NCOA2: variants seen among roughly 807,000 people sequenced by gnomAD.
The protein encoded by NCOA2 is nuclear receptor coactivator 2, also known as class E basic helix-loop-helix protein 75.
NCOA2 carries 21 observed loss-of-function variants against 145.1 expected under a neutral mutation model. That is an observed-to-expected ratio of 0.14 (90% CI 0.10 to 0.21). The LOEUF (loss-of-function observed/expected upper bound fraction) is 0.21, where lower values mean the gene tolerates loss of function less well. Among genes scored for constraint, NCOA2 ranks in the 10% least tolerant of loss-of-function variants. NCOA2 has a pLI of 1.00. For missense variants in NCOA2, 1,472 were observed against 1,837.6 expected (o/e 0.80, Z 3.64); for synonymous variants, 619 against 637.5 (o/e 0.97, Z 0.44).
At chr8:70,430,881 T>C in the NCOA2 span, among the ~76,000 whole-genome samples, 1 of 152,074 alleles carries the variant, frequency 6.6e-6, no homozygotes. Flanking sequence ...GTATGTTGAG[T>C]TTAATAAATA....
chr8:70,331,100 AT>A (rs1409842724), intron 1 of NCOA2, among the ~76,000 whole-genome samples: 1 of 152,166 alleles, frequency 6.6e-6, no homozygotes, highest in Non-Finnish European at 1.5e-5. Flanking sequence ...ACAGCTTTTA[AT>A]TAAAAAAAAA....
chr8:70,292,074 C>CA (rs371226539), intron 2 of NCOA2, among the ~76,000 whole-genome samples: 3,728 of 93,906 alleles, frequency 0.04, 136 homozygotes, highest in African/African-American at 0.11. Flanking sequence ...GACGCCGTCT[C>CA]AAAAAAAAAA....
intron 5 of NCOA2, among the ~76,000 whole-genome samples, chr8:70,172,546 T>C (rs766639395): frequency 6.6e-6 from 1 of 152,234 alleles, no homozygotes; most frequent in Non-Finnish European, 1.5e-5. Flanking sequence ...GTTTTCTCAA[T>C]TGTATGAACC....
At chr8:70,442,837 C>G in the NCOA2 span, among the ~76,000 whole-genome samples, 31 of 152,212 alleles carry the variant, frequency 2.0e-4, no homozygotes, top group Middle Eastern at 3.4e-3. Flanking sequence ...TCTTTTATAC[C>G]TCTTCTGAGC....
At chr8:70,244,082 C>T (rs1822402033) in intron 2 of NCOA2, among the ~76,000 whole-genome samples, 1 of 152,024 alleles carries the variant, frequency 6.6e-6, no homozygotes, top group Non-Finnish European at 1.5e-5. Context: ...ACTGTCTATA[C>T]ACCTTAGAAA....
intron 4 of NCOA2, among the ~76,000 whole-genome samples, chr8:70,213,221 TG>T (rs1819239516): frequency 6.6e-6 from 1 of 152,068 alleles, no homozygotes; most frequent in South Asian, 2.1e-4. Flanking sequence ...TGTTCATACA[TG>T]CCGAATAAAG....
intron 1 of NCOA2, among the ~76,000 whole-genome samples, chr8:70,348,029 A>G (rs141306622): frequency 6.6e-6 from 1 of 152,250 alleles, no homozygotes; most frequent in Non-Finnish European, 1.5e-5. Context: ...AGCAATAAAA[A>G]GGAAAGAGCT....
At chr8:70,117,625 T>C (rs1206397263) in intron 22 of NCOA2, among the ~76,000 whole-genome samples, 1 of 152,196 alleles carries the variant, frequency 6.6e-6, no homozygotes, top group African/African-American at 2.4e-5. Context: ...TAAAACCCCT[T>C]AGAAAAATCT....
At chr8:70,351,674 C>G (rs1809241932) in intron 1 of NCOA2, among the ~76,000 whole-genome samples, 1 of 149,542 alleles carries the variant, frequency 6.7e-6, no homozygotes, top group Non-Finnish European at 1.5e-5. Context: ...CAAGCTCAAA[C>G]TCCTAGGCTC....
intron 22 of NCOA2, among the ~76,000 whole-genome samples, chr8:70,116,596 G>C (rs1273054775): frequency 6.6e-6 from 1 of 152,126 alleles, no homozygotes; most frequent in African/African-American, 2.4e-5. Context: ...AACAGCAGCA[G>C]AGCTTATTAC....
At chr8:70,245,589 TACACAC>T (rs2134576326) in intron 2 of NCOA2, among the ~76,000 whole-genome samples, 1 of 152,030 alleles carries the variant, frequency 6.6e-6, no homozygotes, top group African/African-American at 2.4e-5. Flanking sequence ...CACATACACA[TACACAC>T]GTGCATGCAA....
chr8:70,384,513 C>G (rs1279302891), intron 1 of NCOA2, among the ~76,000 whole-genome samples: 1 of 152,142 alleles, frequency 6.6e-6, no homozygotes, highest in Non-Finnish European at 1.5e-5. Flanking sequence ...AATATAATCT[C>G]TTTGTCGAGA....
At chr8:70,265,972 T>C (rs1824547164) in intron 2 of NCOA2, among the ~76,000 whole-genome samples, 2 of 151,870 alleles carry the variant, frequency 1.3e-5, no homozygotes, top group South Asian at 4.1e-4. Context: ...ACCCCGTCTC[T>C]AATACAAAAA....
the NCOA2 span, among the ~76,000 whole-genome samples, chr8:70,449,610 T>C: frequency 4.6e-5 from 7 of 152,176 alleles, no homozygotes; most frequent in African/African-American, 1.7e-4. Flanking sequence ...CTTACCCTTC[T>C]TCCCTCCTCC....
chr8:70,297,678 A>G (rs1021494202), intron 1 of NCOA2, among the ~76,000 whole-genome samples: 2 of 152,202 alleles, frequency 1.3e-5, no homozygotes, highest in Non-Finnish European at 2.9e-5. Context: ...AATAACCAAG[A>G]TAATTTGCAA....
chr8:70,402,144 G>A (rs1026818140), intron 1 of NCOA2: 1 of 152,464 alleles, frequency 6.6e-6, no homozygotes, highest in Non-Finnish European at 1.5e-5. Context: ...CCTTCCTCCG[G>A]TCCGCACGAT....
At chr8:70,355,795 T>C (rs1467970810) in intron 1 of NCOA2, among the ~76,000 whole-genome samples, 1 of 152,220 alleles carries the variant, frequency 6.6e-6, no homozygotes, top group Admixed American at 6.5e-5. Flanking sequence ...AAACAAAAGT[T>C]GTAATTCATT....
chr8:70,314,722 CT>C (rs1334081224), intron 1 of NCOA2, among the ~76,000 whole-genome samples: 1 of 152,086 alleles, frequency 6.6e-6, no homozygotes, highest in East Asian at 1.9e-4. Flanking sequence ...AACTGCTATG[CT>C]TTTTTAGAAT....
chr8:70,383,502 T>C (rs568356905), intron 1 of NCOA2, among the ~76,000 whole-genome samples: 31 of 152,164 alleles, frequency 2.0e-4, no homozygotes, highest in Admixed American at 1.0e-3. Flanking sequence ...TAGTTTTTTT[T>C]GTTTTTGTTT....
Sources: gnomAD v4.1 joint callset for allele counts (sites outside exome capture counted in the v4.1 genomes callset) on GRCh38, gnomAD v4.1.1 for gene constraint, MANE v1.5 for transcripts, NCBI Gene and HGNC (gene_info 2026-07-23, HGNC 2026-07-21) for gene names.